Variants in MSI2 observed in about 807,000 individuals in gnomAD.
The protein encoded by MSI2 is musashi RNA binding protein 2.
A neutral mutation model predicts 45.6 loss-of-function variants in MSI2; 17 were observed. That is an observed-to-expected ratio of 0.37 (90% CI 0.26 to 0.56). The LOEUF (loss-of-function observed/expected upper bound fraction) is 0.56. Ranked by LOEUF, MSI2 falls within the 20% of genes least tolerant of loss-of-function variation. The probability of loss-of-function intolerance (pLI) is 0.77; values close to 1 mark genes in which losing one functional copy is unlikely to be tolerated. For synonymous variants in MSI2, 156 were observed against 158.2 expected (o/e 0.99, Z 0.11); for missense variants, 293 against 444.2 (o/e 0.66, Z 3.06).
intron 7 of MSI2, among the ~76,000 whole-genome samples, chr17:57,536,165 GCTTCA>G (rs1162896494): frequency 6.6e-6 from 1 of 152,090 alleles, no homozygotes; most frequent in Non-Finnish European, 1.5e-5. Context: ...TTAAAGCATT[GCTTCA>G]CTTGTAGGTG....
rs5821192 is a variant in MSI2 at position 57,583,488 on chromosome 17, C to CTTTTTTTTTTTTTT, written c.455-13374_455-13361dup. On this transcript the variant is annotated intron_variant, in intron 7 of 13. Transcript: ENST00000284073. ...TACTTTTTTCCTTCTCCCAATGTTT[C>CTTTTTTTTTTTTTT]TTTTTTTTTTTTTTTTTTTGAGACA... 2.2e-4 allele frequency among the ~76,000 whole-genome samples: 22 copies of CTTTTTTTTTTTTTT among 98,020 alleles called. 1 individual carries two copies. Among genetic ancestry groups the CTTTTTTTTTTTTTT allele is most frequent in the East Asian group, 7.0e-4 (2 of 2,838 alleles). The allele number at this position is 98,020 out of a possible 152,430, so 64.3% of individuals were successfully genotyped here.
At chr17:57,264,194 C>T (rs980047570) in intron 5 of MSI2, 4 of 152,112 alleles carry the variant, frequency 2.6e-5, no homozygotes, top group East Asian at 1.9e-4. Flanking sequence ...AGCCTGGGTT[C>T]GGATGCTGGT....
chr17:57,261,594 A>C (rs770351955), intron 4 of MSI2, among the ~76,000 whole-genome samples: 93 of 152,274 alleles, frequency 6.1e-4, no homozygotes, highest in Middle Eastern at 6.8e-3. Flanking sequence ...TAATTAACTC[A>C]AGCAGAGCAC....
At chr17:57,698,798 T>G in the MSI2 span, among the ~76,000 whole-genome samples, 1 of 151,950 alleles carries the variant, frequency 6.6e-6, no homozygotes, top group African/African-American at 2.4e-5. Context: ...TAAAGTTCCC[T>G]TCTCTCTCCA....
chr17:57,308,887 G>A (rs941504814), intron 5 of MSI2, among the ~76,000 whole-genome samples: 4 of 152,170 alleles, frequency 2.6e-5, no homozygotes, highest in African/African-American at 7.2e-5. Flanking sequence ...TGCCACAGGC[G>A]AGGGTACAGT....
Position 57,298,302 on chromosome 17 carries a change from G to A in MSI2, c.312+36110G>A, listed in dbSNP as rs114335007. Among the ~76,000 whole-genome samples, 632 of 152,304 alleles carry A rather than the reference G, an allele frequency of 4.1e-3. 1 individual carries two copies. Among genetic ancestry groups the A allele is most frequent in the African/African-American group, 0.014 (599 of 41,560 alleles). On this transcript the variant is annotated intron_variant, in intron 5 of 13. Coordinates refer to ENST00000284073, the MANE Select transcript of MSI2 (RefSeq NM_138962.4). ...TTGTATACCTCCATCAGAGCTCTTG[G>A]GTGACCAGGTATGTTGTCAGTGAGC... is the stretch of plus-strand genomic sequence containing the variant.
intron 6 of MSI2, among the ~76,000 whole-genome samples, chr17:57,463,944 C>T (rs11652885): frequency 6.6e-6 from 1 of 151,966 alleles, no homozygotes; most frequent in East Asian, 1.9e-4. Flanking sequence ...CCTAAAGTGT[C>T]TCCACCTTGT....
chr17:57,454,014 C>T (rs187357778), intron 6 of MSI2, among the ~76,000 whole-genome samples: 2 of 152,336 alleles, frequency 1.3e-5, no homozygotes, highest in African/African-American at 4.8e-5. Flanking sequence ...TGTGCTATTA[C>T]CCACCTGTTG....
intron 7 of MSI2, among the ~76,000 whole-genome samples, chr17:57,564,374 T>C (rs2087676076): frequency 1.3e-5 from 2 of 152,224 alleles, no homozygotes; most frequent in African/African-American, 4.8e-5. Flanking sequence ...TTCTTTTTAA[T>C]TGGGGACATT....
At chr17:57,584,557 T>A (rs2088293326) in intron 7 of MSI2, among the ~76,000 whole-genome samples, 1 of 150,836 alleles carries the variant, frequency 6.6e-6, no homozygotes, top group South Asian at 2.1e-4. Flanking sequence ...TACCTCATAA[T>A]AAAAGTCATA....
chr17:57,281,973 G>T (rs1268943722), intron 5 of MSI2, among the ~76,000 whole-genome samples: 2 of 152,216 alleles, frequency 1.3e-5, no homozygotes, highest in Non-Finnish European at 2.9e-5. Flanking sequence ...GTGCAGCGAG[G>T]TTGGAGTGGC....
At chr17:57,522,121 G>A (rs2144014515) in intron 6 of MSI2, 1 of 152,260 alleles carries the variant, frequency 6.6e-6, no homozygotes, top group South Asian at 2.1e-4. Context: ...CTCCACCACA[G>A]GCCCCAGGCA....
At chr17:57,352,791 G>A (rs1206986233) in intron 5 of MSI2, among the ~76,000 whole-genome samples, 1 of 152,164 alleles carries the variant, frequency 6.6e-6, no homozygotes, top group Admixed American at 6.5e-5. Context: ...AACTTGGATG[G>A]AATCCCTCTG....
chr17:57,374,834 A>T (rs1174758231), intron 5 of MSI2, among the ~76,000 whole-genome samples: 2 of 152,212 alleles, frequency 1.3e-5, no homozygotes, highest in African/African-American at 4.8e-5. Context: ...GAGACCACTT[A>T]GCATTTATTC....
In MSI2 at chr17:57,401,543, GC is replaced by G; in HGVS notation, c.405+77del. On this transcript the variant is annotated intron_variant, in intron 6 of 13. Transcript: ENST00000284073. ...TCAGTCCTAAGAAGAGGCTACCGTG[GC>G]CCCCGCCCCTGCTACAGCTGTGTCC... 4.3e-6 allele frequency: 5 copies of G among 1,167,730 alleles called. No homozygotes were observed. The Admixed American group carries it at 5.2e-5, about 12-fold the overall frequency. The allele number at this position is 1,167,730 out of a possible 1,614,324, so 72.3% of individuals were successfully genotyped here. A position where few individuals can be genotyped will look rare whatever the true frequency, so the allele number is the denominator to read the frequency against.
chr17:57,332,110 T>G (rs1349236276), intron 5 of MSI2, among the ~76,000 whole-genome samples: 2 of 151,736 alleles, frequency 1.3e-5, no homozygotes, highest in African/African-American at 4.8e-5. Context: ...ATTTTTTTTT[T>G]TTTTTTTTGA....
chr17:57,645,343 G>A (rs1332578831), intron 10 of MSI2, among the ~76,000 whole-genome samples: 1 of 152,204 alleles, frequency 6.6e-6, no homozygotes, highest in Non-Finnish European at 1.5e-5. Flanking sequence ...AAAGTGGAGG[G>A]GCTGGCAGAC....
chr17:57,262,788 A>G (rs1416828430), intron 5 of MSI2, among the ~76,000 whole-genome samples: 1 of 152,196 alleles, frequency 6.6e-6, no homozygotes, highest in African/African-American at 2.4e-5. Flanking sequence ...GTAACCTTGT[A>G]GGAGTGGCAC....
chr17:57,313,558 C>T (rs1912587458), intron 5 of MSI2, among the ~76,000 whole-genome samples: 1 of 152,148 alleles, frequency 6.6e-6, no homozygotes, highest in South Asian at 2.1e-4. Flanking sequence ...AACTCACACA[C>T]ACCAGAAAAA....
Sources: allele counts gnomAD v4.1 joint callset (sites outside exome capture counted in the v4.1 genomes callset), GRCh38; gene constraint gnomAD v4.1.1; transcripts MANE v1.5; gene names NCBI Gene and HGNC (gene_info 2026-07-23, HGNC 2026-07-21).